The following ZNF439 variants were observed in gnomAD, a reference collection of about 807,000 sequenced individuals.
ZNF439 encodes the protein zinc finger protein 439.
In ZNF439, 40 loss-of-function variants were observed where a neutral mutation model predicts 47.3. That is an observed-to-expected ratio of 0.85 (90% CI 0.66 to 1.10). ZNF439 has a LOEUF of 1.10. ZNF439 is among the 50% of genes least tolerant of loss of function. ZNF439 has a pLI of 0.00. For missense variants in ZNF439, 556 were observed against 601.1 expected (o/e 0.93, Z 0.78); for synonymous variants, 171 against 198.8 (o/e 0.86, Z 1.18).
chr19:11,854,107 C>T (rs1293084133), intron 1 of ZNF439, among the ~76,000 whole-genome samples: 1 of 152,184 alleles, frequency 6.6e-6, no homozygotes, highest in African/African-American at 2.4e-5. Flanking sequence ...AAGCTTTGTG[C>T]TTGTTCCCCT....
intron 1 of ZNF439, chr19:11,865,815 G>T (rs1039048646): frequency 3.4e-5 from 6 of 177,778 alleles, no homozygotes; most frequent in Non-Finnish European, 6.9e-5. Context: ...ATCACCTGAG[G>T]TTGGGAGTTC....
chr19:11,863,925 T>C (rs1976605922), intron 1 of ZNF439, among the ~76,000 whole-genome samples: 1 of 152,230 alleles, frequency 6.6e-6, no homozygotes, highest in South Asian at 2.1e-4. Flanking sequence ...GGTCTCACTA[T>C]GTTGCCCAGG....
chr19:11,867,227 A>G (rs1976709514), intron 3 of ZNF439, 79 bp from the exon 4 acceptor site: 2 of 1,483,026 alleles, frequency 1.3e-6, no homozygotes, highest in South Asian at 2.6e-5. Flanking sequence ...AGTGTTAAAA[A>G]TGCAAGTACA....
intron 1 of ZNF439, among the ~76,000 whole-genome samples, chr19:11,862,618 T>C (rs1416598657): frequency 6.6e-6 from 1 of 152,202 alleles, no homozygotes; most frequent in East Asian, 1.9e-4. Flanking sequence ...TCAAATTGGC[T>C]GTAGAATTTT....
At chr19:11,850,844 A>T (rs984278485) in intron 1 of ZNF439, 18 of 152,226 alleles carry the variant, frequency 1.2e-4, no homozygotes, top group African/African-American at 4.1e-4. Context: ...AGCCTGGGCA[A>T]CTTAGCGAAA....
In ZNF439 at chr19:11,854,689, C is replaced by G. The variant is rs150607083; in HGVS notation, c.63+5759C>G. ...AGGAGAATTGCTTGAACCCAGGAGG[C>G]AGAGGTTGCAGTGAGCCGAGATCGT... On this transcript the variant is annotated intron_variant, in intron 1 of 3. Transcript: ENST00000682736. Among the ~76,000 whole-genome samples, 1,493 of 151,868 alleles carry G rather than the reference C, an allele frequency of 9.8e-3. 22 individuals are homozygous for G. The highest frequency in any genetic ancestry group is 0.034 in the African/African-American group (1,402 of 41,374).
chr19:11,858,492 A>G (rs1039506114), intron 1 of ZNF439, among the ~76,000 whole-genome samples: 1 of 149,246 alleles, frequency 6.7e-6, no homozygotes, highest in African/African-American at 2.5e-5. Context: ...AAGGGGGTCT[A>G]TTGCTACAAG....
chr19:11,864,859 A>T (rs1482519705), intron 1 of ZNF439, among the ~76,000 whole-genome samples: 2 of 151,972 alleles, frequency 1.3e-5, no homozygotes, highest in Non-Finnish European at 2.9e-5. Flanking sequence ...CAATGGCACA[A>T]TATTGACTGA....
chr19:11,865,274 T>C (rs369527639), intron 1 of ZNF439, among the ~76,000 whole-genome samples: 1 of 152,048 alleles, frequency 6.6e-6, no homozygotes, highest in South Asian at 2.1e-4. Flanking sequence ...GTTTGCCCTC[T>C]TGTGTAATTA....
intron 1 of ZNF439, among the ~76,000 whole-genome samples, chr19:11,865,712 C>CAACAA (rs1555694855): frequency 3.7e-5 from 3 of 82,028 alleles, no homozygotes; most frequent in African/African-American, 2.0e-4. Flanking sequence ...TACACTATCA[C>CAACAA]AAAAAAAAAA....
chr19:11,854,771 G>A (rs1262181920), intron 1 of ZNF439, among the ~76,000 whole-genome samples: 1 of 151,866 alleles, frequency 6.6e-6, no homozygotes, highest in Non-Finnish European at 1.5e-5. Context: ...AAAAAAAAGA[G>A]ATATTATGTA....
chr19:11,866,249 G>A lies in ZNF439; in HGVS notation c.108G>A (p.Glu36=). Residue 36 remains glutamate (E), a synonymous_variant, in exon 2 of 4, where the codon GAG becomes GAA. Transcript: ENST00000682736. ...FKDVAVNFTQ[E]EWALLDISQK... Reference sequence around the variant, plus strand: ...ATGTGGCTGTGAACTTCACCCAGGAGGAGTGGGCTTTGCTGGATATTTCCC... The same window carrying A: ...ATGTGGCTGTGAACTTCACCCAGGAAGAGTGGGCTTTGCTGGATATTTCCC... 1.2e-6 allele frequency: 2 copies of A among 1,614,130 alleles called. No homozygotes were observed. Among genetic ancestry groups the A allele is most frequent in the South Asian group, 1.1e-5 (1 of 91,082 alleles).
chr19:11,853,926 A>G (rs927945104), intron 1 of ZNF439, among the ~76,000 whole-genome samples: 2 of 152,226 alleles, frequency 1.3e-5, no homozygotes, highest in Non-Finnish European at 2.9e-5. Flanking sequence ...AATTCACTCC[A>G]GACTTCTAAG....
At chr19:11,864,072 AT>A (rs1476183331) in intron 1 of ZNF439, among the ~76,000 whole-genome samples, 1 of 152,032 alleles carries the variant, frequency 6.6e-6, no homozygotes, top group Non-Finnish European at 1.5e-5. Flanking sequence ...TCTCTTGTAT[AT>A]TTAGTTTATT....
At position 11,867,649 on chromosome 19, in the gene ZNF439, A is replaced by G. The variant is rs751406213; in HGVS notation, c.595A>G (p.Asn199Asp). The G allele has an allele frequency of 3.7e-6, 6 of 1,614,094 alleles. No individual in the cohort carries two copies. In the South Asian group the frequency reaches 6.6e-5, roughly 18 times the overall value. ...KPYACKECGK[N>D]IIYHSSIQRH... ...CTATGCTTGTAAAGAATGTGGAAAA[A>G]ACATTATTTACCATTCAAGCATTCA... The change falls in exon 4 of 4, where the codon AAC becomes GAC. Residue 199 changes from asparagine (N) to aspartate (D), a missense_variant. Asn to Asp is a conservative substitution (Grantham distance 23, BLOSUM62 1). Transcript: ENST00000682736.
At chr19:11,864,497 A>G (rs1042332158) in intron 1 of ZNF439, among the ~76,000 whole-genome samples, 1 of 152,086 alleles carries the variant, frequency 6.6e-6, no homozygotes, top group African/African-American at 2.4e-5. Flanking sequence ...GAGTTCCACC[A>G]TGTTAGCCAG....
Position 11,868,172 on chromosome 19 carries a change from C to G in ZNF439, c.1118C>G (p.Ser373Ter). 2 of 1,613,084 alleles carry G rather than the reference C, an allele frequency of 1.2e-6. No homozygotes were observed. The highest frequency in any genetic ancestry group is 1.7e-6 in the Non-Finnish European group (2 of 1,179,732). The change falls in exon 4 of 4, where the codon TCA becomes TGA. Residue 373 changes from serine (S) to a stop codon, truncating the protein, a stop_gained. Coordinates refer to ENST00000682736, the MANE Select transcript of ZNF439 (RefSeq NM_001348719.2). LOFTEE classifies it high-confidence loss of function. ...TCGKGFYSAK[S>*]FQRHEKTHSG... ...GGGAAAGGCTTTTATTCTGCCAAGTCATTTCAAAGACATGAAAAAACTCAC... is the reference window on the plus strand; with the variant it reads ...GGGAAAGGCTTTTATTCTGCCAAGTGATTTCAAAGACATGAAAAAACTCAC...
chr19:11,849,691 A>G (rs940422035), intron 1 of ZNF439: 2 of 152,234 alleles, frequency 1.3e-5, no homozygotes, highest in Admixed American at 6.5e-5. Flanking sequence ...AGCTTTGTCT[A>G]AAGTTTGGAG....
At chr19:11,851,804 A>T (rs1227594975) in intron 1 of ZNF439, among the ~76,000 whole-genome samples, 1 of 151,806 alleles carries the variant, frequency 6.6e-6, no homozygotes, top group Non-Finnish European at 1.5e-5. Context: ...GCCCACTACC[A>T]CACCTGGGTA....
Sources: gnomAD v4.1 joint callset for allele counts (sites outside exome capture counted in the v4.1 genomes callset) on GRCh38, gnomAD v4.1.1 for gene constraint, MANE v1.5 for transcripts, NCBI Gene and HGNC (gene_info 2026-07-23, HGNC 2026-07-21) for gene names.